The following CACNB4 variants were observed in gnomAD, a reference collection of about 807,000 sequenced individuals.
CACNB4 encodes voltage-dependent L-type calcium channel subunit beta-4.
A neutral mutation model predicts 71.2 loss-of-function variants in CACNB4; 32 were observed. The ratio of observed to expected loss-of-function variants is 0.45; its 90% CI spans 0.34 to 0.60. The LOEUF (loss-of-function observed/expected upper bound fraction) is 0.60, where lower values mean the gene tolerates loss of function less well. CACNB4 is among the 20% of genes least tolerant of loss of function. The pLI, the probability that CACNB4 is intolerant of heterozygous loss-of-function variation, is 0.01. For missense variants in CACNB4, 464 were observed against 647.9 expected (o/e 0.72, Z 3.08); for synonymous variants, 231 against 236.9 (o/e 0.97, Z 0.23).
intron 2 of CACNB4, among the ~76,000 whole-genome samples, chr2:152,090,634 A>G (rs1407659783): frequency 6.8e-6 from 1 of 146,124 alleles, no homozygotes; most frequent in Non-Finnish European, 1.5e-5. Context: ...CAACAGCAAA[A>G]CTCCATCTCA....
chr2:151,912,567 G>T (rs541467972), intron 2 of CACNB4, among the ~76,000 whole-genome samples: 7 of 152,186 alleles, frequency 4.6e-5, no homozygotes, highest in Admixed American at 1.3e-4. Context: ...TGCATTTGCT[G>T]AAGTGTTTTA....
At chr2:151,941,964 C>G (rs1446396070) in intron 2 of CACNB4, among the ~76,000 whole-genome samples, 1 of 152,082 alleles carries the variant, frequency 6.6e-6, no homozygotes, top group African/African-American at 2.4e-5. Flanking sequence ...CCAAAGTAAC[C>G]CTAACATGGA....
chr2:152,094,393 A>C (rs1377472310), intron 2 of CACNB4, among the ~76,000 whole-genome samples: 1 of 152,266 alleles, frequency 6.6e-6, no homozygotes, highest in Non-Finnish European at 1.5e-5. Flanking sequence ...GGCTGGAAGC[A>C]GGCAGGGGCC....
At chr2:151,856,222 T>C (rs184347562) in intron 10 of CACNB4, among the ~76,000 whole-genome samples, 41 of 150,544 alleles carry the variant, frequency 2.7e-4, no homozygotes, top group Admixed American at 1.1e-3. Context: ...AAAAGTTTTA[T>C]ATATATATAT....
intron 2 of CACNB4, among the ~76,000 whole-genome samples, chr2:152,039,844 A>G (rs1684783942): frequency 6.6e-6 from 1 of 152,232 alleles, no homozygotes; most frequent in Non-Finnish European, 1.5e-5. Flanking sequence ...ACCATATGGA[A>G]AATAACATCT....
At chr2:151,997,473 G>A (rs1682121026) in intron 2 of CACNB4, among the ~76,000 whole-genome samples, 1 of 152,110 alleles carries the variant, frequency 6.6e-6, no homozygotes, top group South Asian at 2.1e-4. Flanking sequence ...GGCAGAGCTT[G>A]CAGTGAGCTG....
chr2:151,973,345 T>G (rs1008185029), intron 2 of CACNB4: 1 of 273,202 alleles, frequency 3.7e-6, no homozygotes, highest in Non-Finnish European at 6.9e-6. Flanking sequence ...AGGCACTTTC[T>G]GCATAGTTTA....
At chr2:152,028,003 G>A (rs13394320) in intron 2 of CACNB4, among the ~76,000 whole-genome samples, 43,328 of 151,876 alleles carry the variant, frequency 0.29, 6,420 homozygotes, top group Middle Eastern at 0.43. Context: ...GTGCACAGGT[G>A]GCACCCTCAG....
chr2:151,962,424 C>T (rs1169870584), intron 2 of CACNB4, among the ~76,000 whole-genome samples: 2 of 152,096 alleles, frequency 1.3e-5, no homozygotes, highest in Admixed American at 6.5e-5. Context: ...CCAGAACTTA[C>T]AGTTCCTCGT....
At chr2:152,011,482 C>T (rs947607170) in intron 2 of CACNB4, among the ~76,000 whole-genome samples, 1 of 152,176 alleles carries the variant, frequency 6.6e-6, no homozygotes, top group Non-Finnish European at 1.5e-5. Flanking sequence ...AGAAATTACC[C>T]CTGACCCTGA....
intron 10 of CACNB4, chr2:151,856,976 G>A (rs2099840480): frequency 6.6e-6 from 1 of 152,212 alleles, no homozygotes; most frequent in African/African-American, 2.4e-5. Flanking sequence ...GCCTCCTGAA[G>A]TGTTGGCATC....
chr2:151,976,413 C>G (rs1213342246), intron 2 of CACNB4, among the ~76,000 whole-genome samples: 1 of 152,156 alleles, frequency 6.6e-6, no homozygotes, highest in Admixed American at 6.5e-5. Context: ...AGGCGTGTTC[C>G]CAAGAGGAAT....
intron 2 of CACNB4, among the ~76,000 whole-genome samples, chr2:152,085,388 T>C (rs58761402): frequency 0.15 from 22,523 of 152,196 alleles, 1,903 homozygotes; most frequent in Middle Eastern, 0.29. Context: ...CTCCAAAGAC[T>C]GCTGGGAACA....
chr2:151,988,486 T>C (rs1213112681), intron 2 of CACNB4, among the ~76,000 whole-genome samples: 1 of 152,168 alleles, frequency 6.6e-6, no homozygotes, highest in East Asian at 1.9e-4. Context: ...CTCATAACCT[T>C]GGGCCTCTAC....
intron 2 of CACNB4, among the ~76,000 whole-genome samples, chr2:152,078,860 T>C (rs1274188943): frequency 1.4e-4 from 22 of 152,088 alleles, no homozygotes; most frequent in Non-Finnish European, 1.5e-5. Context: ...CAAAGAAATA[T>C]ATATTGATCT....
rs141078045 is a variant in CACNB4, at chr2:151,940,630, G to A, written c.148-57260C>T. Among the ~76,000 whole-genome samples the A allele has an allele frequency of 3.2e-4, 48 of 152,222 alleles. 1 individual carries two copies. In the East Asian group the frequency reaches 6.2e-3, roughly 20 times the overall value. On this transcript the variant is annotated intron_variant, in intron 2 of 13. Transcript: ENST00000539935. Reference sequence around the variant, plus strand: ...CTCTGGGCAAGAAATTTATCCTATCGGAACTTCAATTTCTTCATGTATAAA... The same window carrying A: ...CTCTGGGCAAGAAATTTATCCTATCAGAACTTCAATTTCTTCATGTATAAA...
At chr2:152,053,198 G>A (rs1579206893) in intron 2 of CACNB4, among the ~76,000 whole-genome samples, 1 of 152,138 alleles carries the variant, frequency 6.6e-6, no homozygotes, top group Non-Finnish European at 1.5e-5. Flanking sequence ...GAAAGACCAG[G>A]ACATGTCTAG....
chr2:152,062,873 C>A (rs908567625), intron 2 of CACNB4, among the ~76,000 whole-genome samples: 1 of 152,206 alleles, frequency 6.6e-6, no homozygotes, highest in Non-Finnish European at 1.5e-5. Flanking sequence ...CAATTTTAGA[C>A]AGAAAGGCTA....
At chr2:151,874,487 G>T (rs560272008) in intron 5 of CACNB4, among the ~76,000 whole-genome samples, 6 of 151,010 alleles carry the variant, frequency 4.0e-5, no homozygotes, top group Non-Finnish European at 8.9e-5. Flanking sequence ...AAAAGAAGAA[G>T]TATGAGAACA....
Sources: gnomAD v4.1 joint callset for allele counts (sites outside exome capture counted in the v4.1 genomes callset) on GRCh38, gnomAD v4.1.1 for gene constraint, MANE v1.5 for transcripts, NCBI Gene and HGNC (gene_info 2026-07-23, HGNC 2026-07-21) for gene names.